The following PRMT7 variants were observed in gnomAD, a reference collection of about 807,000 sequenced individuals.
The protein encoded by PRMT7 is protein arginine N-methyltransferase 7.
PRMT7 carries 75 observed loss-of-function variants against 85.4 expected under a neutral mutation model. The ratio of observed to expected loss-of-function variants is 0.88; its 90% CI spans 0.73 to 1.06. The LOEUF (loss-of-function observed/expected upper bound fraction) is 1.06. Among genes scored for constraint, PRMT7 ranks in the 50% least tolerant of loss-of-function variants. The pLI, the probability that PRMT7 is intolerant of heterozygous loss-of-function variation, is 0.00. For missense variants in PRMT7, 868 were observed against 915.2 expected (o/e 0.95, Z 0.67); for synonymous variants, 397 against 359.5 (o/e 1.10, Z -1.18).
intron 14 of PRMT7, among the ~76,000 whole-genome samples, chr16:68,350,929 A>G (rs2087229333): frequency 6.6e-6 from 1 of 152,206 alleles, no homozygotes; most frequent in Non-Finnish European, 1.5e-5. Context: ...ATAAGATTCC[A>G]TTGTGTGGAT....
rs1361572673 is a variant in PRMT7, at chr16:68,358,401, T to G, written c.*1177T>G. 6.5e-6 allele frequency: 1 copy of G among 152,732 alleles called. No individual in the cohort carries two copies. The highest frequency in any genetic ancestry group is 1.5e-5 in the Non-Finnish European group (1 of 68,052). The allele number at this position is 152,732 out of a possible 1,614,324, so 9.5% of individuals were successfully genotyped here. A position where few individuals can be genotyped will look rare whatever the true frequency, so the allele number is the denominator to read the frequency against. ...CACCAGTAAGGAAAAAGAACACCTC[T>G]CTTCGCAAAATATTTTATCAGGTGT... On this transcript the variant is annotated 3_prime_UTR_variant, in exon 19 of 19. Transcript: ENST00000441236.
intron 3 of PRMT7, 143 bp downstream of exon 3, chr16:68,316,217 T>C (rs2081835736): frequency 1.9e-5 from 13 of 691,954 alleles, no homozygotes; most frequent in Admixed American, 1.6e-4. Context: ...GCAGGTCTGC[T>C]CAGCCAGGTA....
intron 11 of PRMT7, among the ~76,000 whole-genome samples, chr16:68,346,515 C>CT (rs1156895014): frequency 6.6e-6 from 1 of 152,176 alleles, no homozygotes; most frequent in Non-Finnish European, 1.5e-5. Context: ...TGGGCTCCTG[C>CT]TGGACACCTT....
At chr16:68,344,933 T>TACACATACACACACACACATAC (rs1555563404) in intron 9 of PRMT7, among the ~76,000 whole-genome samples, 1 of 131,130 alleles carries the variant, frequency 7.6e-6, no homozygotes, top group African/African-American at 3.0e-5. Context: ...CCTGCATCTC[T>TACACATACACACACACACATAC]ACACACACAC....
At chr16:68,348,263 C>T in intron 13 of PRMT7, 79 bp from the exon 14 acceptor site, 1 of 1,209,890 alleles carries the variant, frequency 8.3e-7, no homozygotes, top group Non-Finnish European at 1.2e-6. Flanking sequence ...GCGGAGAATG[C>T]AACTTTGAGA....
intron 14 of PRMT7, 117 bp from the exon 15 acceptor site, chr16:68,352,127 AGAGG>A: frequency 1.0e-6 from 1 of 1,000,118 alleles, no homozygotes; most frequent in South Asian, 1.6e-5. Context: ...TGAGGGAGGG[AGAGG>A]GAGGGAGTGA....
chr16:68,321,597 T>C (rs1051023917), intron 4 of PRMT7, 135 bp downstream of exon 4: 1 of 771,676 alleles, frequency 1.3e-6, no homozygotes, highest in Non-Finnish European at 2.1e-6. Context: ...AGGAAATCAG[T>C]TGGGAGACTG....
At chr16:68,351,292 C>G (rs1164388950) in intron 14 of PRMT7, 1 of 152,276 alleles carries the variant, frequency 6.6e-6, no homozygotes, top group Non-Finnish European at 1.5e-5. Flanking sequence ...TGCCCAGGGT[C>G]GGCTACCTCC....
chr16:68,359,926 G>A (rs759513018), downstream of PRMT7: 2 of 152,590 alleles, frequency 1.3e-5, no homozygotes, highest in Non-Finnish European at 2.9e-5. Flanking sequence ...GCTCTGCCAT[G>A]CTGAACTTGG....
At chr16:68,340,047 T>C in intron 9 of PRMT7, 79 bp downstream of exon 9, 4 of 1,413,552 alleles carry the variant, frequency 2.8e-6, no homozygotes, top group Non-Finnish European at 3.8e-6. Context: ...AGTTGAGCCT[T>C]GGACCCAGGA....
At chr16:68,336,793 C>T (rs187776466) in intron 6 of PRMT7, among the ~76,000 whole-genome samples, 9 of 152,264 alleles carry the variant, frequency 5.9e-5, no homozygotes, top group South Asian at 4.1e-4. Context: ...CACTCTGTCG[C>T]GCAGGCTGGA....
intron 6 of PRMT7, among the ~76,000 whole-genome samples, chr16:68,334,009 G>A (rs1169522798): frequency 1.3e-5 from 2 of 152,140 alleles, no homozygotes; most frequent in South Asian, 2.1e-4. Flanking sequence ...GACCTCAAGC[G>A]ATCTGCCTGC....
Position 68,356,913 on chromosome 16 carries a change from A to C in PRMT7, c.1908+116A>C, listed in dbSNP as rs2088654164. On this transcript the variant is annotated intron_variant, in intron 18 of 18. Coordinates refer to ENST00000441236, the MANE Select transcript of PRMT7 (RefSeq NM_019023.5). Reference sequence around the variant, plus strand: ...TTCTGTCACAAGTTCTTCGGGCCAGATGATGACCCCTCAGTGGTCCTGGGC... The same window carrying C: ...TTCTGTCACAAGTTCTTCGGGCCAGCTGATGACCCCTCAGTGGTCCTGGGC... 5 of 1,369,268 alleles carry C rather than the reference A, an allele frequency of 3.7e-6. No homozygotes were observed. In the East Asian group the frequency reaches 1.2e-4, roughly 34 times the overall value. The allele number at this position is 1,369,268 out of a possible 1,614,324, so 84.8% of individuals were successfully genotyped here.
At chr16:68,326,102 A>T (rs906430263) in intron 5 of PRMT7, among the ~76,000 whole-genome samples, 6 of 152,236 alleles carry the variant, frequency 3.9e-5, no homozygotes, top group Non-Finnish European at 5.9e-5. Context: ...GGTAAATACC[A>T]AATAAAAATA....
chr16:68,353,223 G>C (rs893683348), intron 15 of PRMT7, among the ~76,000 whole-genome samples: 1 of 152,154 alleles, frequency 6.6e-6, no homozygotes, highest in Non-Finnish European at 1.5e-5. Flanking sequence ...AGGATGGCCC[G>C]GATAGGAGTG....
At chr16:68,323,354 G>A (rs920687827) in intron 4 of PRMT7, among the ~76,000 whole-genome samples, 2 of 151,774 alleles carry the variant, frequency 1.3e-5, no homozygotes, top group African/African-American at 4.8e-5. Context: ...AAGTAGCTGG[G>A]GTTACAGGCA....
intron 9 of PRMT7, among the ~76,000 whole-genome samples, chr16:68,344,394 C>G (rs780246046): frequency 6.6e-6 from 1 of 152,184 alleles, no homozygotes; most frequent in Non-Finnish European, 1.5e-5. Context: ...AAAATAGCTC[C>G]CTTTGTTTGG....
At chr16:68,346,397 G>A (rs973024291) in intron 11 of PRMT7, 117 bp downstream of exon 11, 19 of 1,470,336 alleles carry the variant, frequency 1.3e-5, no homozygotes, top group Non-Finnish European at 1.8e-5. Flanking sequence ...TTGTCTATGA[G>A]TGGCTTCAGC....
Position 68,317,237 on chromosome 16 carries a change from C to CAAA in PRMT7, c.95+1180_95+1182dup, listed in dbSNP as rs35849810. ...TGGGTAACAGAGTGAGACTCTGTCT[C>CAAA]AAAAAAAAAAAAAAAAAAATTACAG... On this transcript the variant is annotated intron_variant, in intron 3 of 18. Transcript: ENST00000441236. Among the ~76,000 whole-genome samples, 666 of 103,862 alleles carry CAAA rather than the reference C, an allele frequency of 6.4e-3. 20 individuals carry two copies. Among genetic ancestry groups the CAAA allele is most frequent in the Middle Eastern group, 9.7e-3 (2 of 206 alleles). 68.1% of individuals were successfully genotyped at this position (103,862 alleles called of 152,430 possible).
Sources: allele counts gnomAD v4.1 joint callset (sites outside exome capture counted in the v4.1 genomes callset), GRCh38; gene constraint gnomAD v4.1.1; transcripts MANE v1.5; gene names NCBI Gene and HGNC (gene_info 2026-07-23, HGNC 2026-07-21).